Variants in FNDC3B observed in about 807,000 individuals in gnomAD.
The protein encoded by FNDC3B is fibronectin type III domain containing 3B, also known as fibronectin type III domain-containing protein 3B.
FNDC3B carries 12 observed loss-of-function variants against 151.5 expected under a neutral mutation model. That is an observed-to-expected ratio of 0.08 (90% CI 0.05 to 0.13). The LOEUF (loss-of-function observed/expected upper bound fraction) is 0.13, where lower values mean the gene tolerates loss of function less well. Among genes scored for constraint, FNDC3B ranks in the 10% least tolerant of loss-of-function variants. The pLI, the probability that FNDC3B is intolerant of heterozygous loss-of-function variation, is 1.00. For synonymous variants in FNDC3B, 528 were observed against 549.0 expected (o/e 0.96, Z 0.54); for missense variants, 1,214 against 1,505.3 (o/e 0.81, Z 3.20).
intron 3 of FNDC3B, among the ~76,000 whole-genome samples, chr3:172,153,255 A>C (rs779697861): frequency 6.6e-6 from 1 of 152,190 alleles, no homozygotes; most frequent in Non-Finnish European, 1.5e-5. Context: ...AGAGCTGGGA[A>C]TATCTGGGGA....
chr3:172,110,227 T>C (rs1559970111), intron 1 of FNDC3B, among the ~76,000 whole-genome samples: 1 of 152,178 alleles, frequency 6.6e-6, no homozygotes, highest in Admixed American at 6.5e-5. Flanking sequence ...TTGTACCAGA[T>C]CACAACTGTC....
At chr3:172,379,840 C>G (rs1336474444) in intron 24 of FNDC3B, among the ~76,000 whole-genome samples, 2 of 152,060 alleles carry the variant, frequency 1.3e-5, no homozygotes, top group African/African-American at 4.8e-5. Flanking sequence ...ATTCATTTTA[C>G]AAAAAATACA....
chr3:172,183,744 A>T (rs1398871114), intron 3 of FNDC3B, among the ~76,000 whole-genome samples: 1 of 152,102 alleles, frequency 6.6e-6, no homozygotes, highest in East Asian at 1.9e-4. Context: ...TGTAGGCGGG[A>T]TGTGTTTTCT....
At chr3:172,105,176 G>A (rs1719580810) in intron 1 of FNDC3B, among the ~76,000 whole-genome samples, 1 of 152,072 alleles carries the variant, frequency 6.6e-6, no homozygotes, top group South Asian at 2.1e-4. Context: ...GTGACTGATG[G>A]CATTTATACA....
At chr3:172,065,960 G>A (rs994282700) in intron 1 of FNDC3B, among the ~76,000 whole-genome samples, 2 of 152,062 alleles carry the variant, frequency 1.3e-5, no homozygotes, top group African/African-American at 4.8e-5. Flanking sequence ...ATGATTATGT[G>A]GTTAATGTAG....
intron 1 of FNDC3B, among the ~76,000 whole-genome samples, chr3:172,087,434 A>G (rs983613704): frequency 4.6e-5 from 7 of 152,254 alleles, no homozygotes; most frequent in Middle Eastern, 3.4e-3. Flanking sequence ...ATAAGTAAGA[A>G]TGAGTGCATA....
rs772903377 is a variant in FNDC3B, at chr3:172,240,606, A to G, written c.265-6927A>G. 5.2e-4 allele frequency among the ~76,000 whole-genome samples: 79 copies of G among 152,310 alleles called. 1 individual carries two copies. The highest frequency in any genetic ancestry group is 6.2e-4 in the Non-Finnish European group (42 of 68,020). On this transcript the variant is annotated intron_variant, in intron 4 of 25. Transcript: ENST00000415807. Reference sequence around the variant, plus strand: ...TGAAAACTTTGATGTACACACCAGTATGAAAAATCTTGGTTCTGCAGCATA... The same window carrying G: ...TGAAAACTTTGATGTACACACCAGTGTGAAAAATCTTGGTTCTGCAGCATA...
intron 6 of FNDC3B, among the ~76,000 whole-genome samples, chr3:172,269,296 T>C (rs1729070671): frequency 6.6e-6 from 1 of 152,198 alleles, no homozygotes. Context: ...GCTCTCTCTG[T>C]CATCCAGGCT....
chr3:172,090,425 T>C (rs73883704), intron 1 of FNDC3B, among the ~76,000 whole-genome samples: 47 of 150,338 alleles, frequency 3.1e-4, no homozygotes, highest in South Asian at 2.1e-3. Context: ...TGACCAAAAA[T>C]AAACAAACAA....
intron 6 of FNDC3B, among the ~76,000 whole-genome samples, chr3:172,268,524 A>G (rs1729031464): frequency 6.6e-6 from 1 of 152,238 alleles, no homozygotes; most frequent in Non-Finnish European, 1.5e-5. Flanking sequence ...AGAGAACGGC[A>G]GATACAAATA....
At chr3:172,368,468 C>G (rs933146230) in intron 23 of FNDC3B, among the ~76,000 whole-genome samples, 1 of 152,194 alleles carries the variant, frequency 6.6e-6, no homozygotes, top group Non-Finnish European at 1.5e-5. Flanking sequence ...CAGTGCTTCT[C>G]TGACTAGTCC....
At chr3:172,233,040 T>C (rs1057512865) in intron 4 of FNDC3B, among the ~76,000 whole-genome samples, 3 of 152,232 alleles carry the variant, frequency 2.0e-5, no homozygotes, top group Admixed American at 6.5e-5. Context: ...CATTGTATAC[T>C]GGCCATGGCT....
At chr3:172,154,467 A>G (rs550642286) in intron 3 of FNDC3B, among the ~76,000 whole-genome samples, 1 of 152,146 alleles carries the variant, frequency 6.6e-6, no homozygotes, top group Non-Finnish European at 1.5e-5. Context: ...CCGCCTCCCA[A>G]AGTGCTGGGA....
Position 172,397,175 on chromosome 3 carries a change from A to T in FNDC3B, c.3315A>T (p.Gly1105=), listed in dbSNP as rs532788088. 7.1e-5 allele frequency: 115 copies of T among 1,609,656 alleles called. 2 individuals are homozygous for T. The South Asian group carries it at 1.2e-3, about 17-fold the overall frequency. ...RESEYKQVYK[G]EEATFQISGL... is the part of the protein sequence containing the mutation. ...TTCTTTTCCTGAAGGTGTACAAGGG[A>T]GAAGAAGCCACATTCCAAATCTCAG... Residue 1105 remains glycine, a synonymous_variant, in exon 26 of 26, where the codon GGA becomes GGT. Transcript: ENST00000415807.
intron 1 of FNDC3B, among the ~76,000 whole-genome samples, chr3:172,082,594 G>A (rs988763363): frequency 5.3e-5 from 8 of 152,162 alleles, no homozygotes; most frequent in South Asian, 4.1e-4. Context: ...AGCACTGAAC[G>A]AAGCAGCAAA....
chr3:172,133,067 A>G (rs917266214), intron 2 of FNDC3B, among the ~76,000 whole-genome samples: 9 of 152,218 alleles, frequency 5.9e-5, no homozygotes, highest in Admixed American at 5.2e-4. Context: ...GATCAGTAAT[A>G]GACACTTGGG....
At chr3:172,261,091 A>T (rs544213779) in intron 6 of FNDC3B, among the ~76,000 whole-genome samples, 8 of 152,080 alleles carry the variant, frequency 5.3e-5, no homozygotes, top group Non-Finnish European at 1.0e-4. Context: ...GTCTTTCACA[A>T]CCTTTCCTTA....
At position 172,301,350 on chromosome 3, in the gene FNDC3B, G is replaced by A. The variant is rs774079620; in HGVS notation, c.1061+2563G>A. ...CTCACATTTTTATTGAGATGAAGAT[G>A]TATTTTACTTGACACTGAAAACAAG... On this transcript the variant is annotated intron_variant, in intron 9 of 25. Transcript: ENST00000415807. Among the ~76,000 whole-genome samples the A allele has an allele frequency of 5.2e-4, 79 of 152,154 alleles. 1 individual carries two copies. Among genetic ancestry groups the A allele is most frequent in the Admixed American group, 9.8e-4 (15 of 15,272 alleles).
At chr3:172,137,999 A>T (rs903891004) in intron 3 of FNDC3B, among the ~76,000 whole-genome samples, 1 of 152,198 alleles carries the variant, frequency 6.6e-6, no homozygotes, top group African/African-American at 2.4e-5. Flanking sequence ...CTCTCCCATT[A>T]TTTTCATATC....
Sources: gnomAD v4.1 joint callset for allele counts (sites outside exome capture counted in the v4.1 genomes callset) on GRCh38, gnomAD v4.1.1 for gene constraint, MANE v1.5 for transcripts, NCBI Gene and HGNC (gene_info 2026-07-23, HGNC 2026-07-21) for gene names.